Variants in CALN1 observed in about 807,000 individuals in gnomAD.
CALN1 encodes calcium-binding protein 8.
CALN1 carries 17 observed loss-of-function variants against 30.6 expected under a neutral mutation model. That is an observed-to-expected ratio of 0.56 (90% confidence interval 0.38 to 0.83). CALN1 has a LOEUF of 0.83. Ranked by LOEUF, CALN1 falls within the 40% of genes least tolerant of loss-of-function variation. CALN1 has a pLI of 0.00. For synonymous variants in CALN1, 156 were observed against 131.4 expected (o/e 1.19, Z -1.28); for missense variants, 291 against 354.9 (o/e 0.82, Z 1.45).
In CALN1 at chr7:72,054,280, C is replaced by T. The variant is rs182174709; in HGVS notation, c.389-30511G>A. On this transcript the variant is annotated intron_variant, in intron 4 of 6. Coordinates refer to ENST00000395275, the MANE Select transcript of CALN1 (RefSeq NM_031468.4). Reference sequence around the variant, plus strand: ...CCACCAGCAGTGTAGTTATTTTTGACTTTTTCATAGTAGCCATTCTTACTG... The same window carrying T: ...CCACCAGCAGTGTAGTTATTTTTGATTTTTTCATAGTAGCCATTCTTACTG... Among the ~76,000 whole-genome samples, 101 of 151,692 alleles carry T rather than the reference C, an allele frequency of 6.7e-4. 1 individual carries two copies. The East Asian group carries it at 0.019, about 28-fold the overall frequency.
intron 2 of CALN1, among the ~76,000 whole-genome samples, chr7:72,352,950 A>G (rs181980278): frequency 1.3e-3 from 198 of 152,342 alleles, no homozygotes; most frequent in African/African-American, 4.6e-3. Flanking sequence ...ACAAGGGAAT[A>G]TTATAAAGCA....
intron 2 of CALN1, among the ~76,000 whole-genome samples, chr7:72,371,566 C>T (rs1804242851): frequency 6.6e-6 from 1 of 152,016 alleles, no homozygotes; most frequent in South Asian, 2.1e-4. Context: ...TTCCTGAGGC[C>T]TCCCCAGACA....
At chr7:72,375,120 C>T (rs1323490856) in intron 2 of CALN1, among the ~76,000 whole-genome samples, 1 of 152,140 alleles carries the variant, frequency 6.6e-6, no homozygotes, top group Admixed American at 6.6e-5. Flanking sequence ...TAAAAAATTA[C>T]CACCATCAGT....
chr7:72,453,387 C>T, the CALN1 span, among the ~76,000 whole-genome samples: 2 of 152,198 alleles, frequency 1.3e-5, no homozygotes, highest in Non-Finnish European at 2.9e-5. Context: ...GCAGGCTATT[C>T]AGAAGTTTCT....
chr7:72,501,415 GAAGA>G, the CALN1 span, among the ~76,000 whole-genome samples: 1 of 111,490 alleles, frequency 9.0e-6, no homozygotes, highest in Non-Finnish European at 1.9e-5. Flanking sequence ...AAAAAGAGAA[GAAGA>G]AAGAGGAAGA....
At position 71,784,245 on chromosome 7, in the gene CALN1, C is replaced by G. The variant is rs771304822; in HGVS notation, c.*3530G>C. ...TAAATAGAAGGACAAGTTCAAATGC[C>G]AGACAAAAAGGCAGAGATACCACCC... On this transcript the variant is annotated 3_prime_UTR_variant, in exon 7 of 7. Coordinates refer to ENST00000395275, the MANE Select transcript of CALN1 (RefSeq NM_031468.4). The G allele has an allele frequency of 6.6e-6, 1 of 152,112 alleles. No homozygotes were observed. The highest frequency in any genetic ancestry group is 1.5e-5 in the Non-Finnish European group (1 of 68,036). The allele number at this position is 152,112 out of a possible 1,614,324, so 9.4% of individuals were successfully genotyped here.
At chr7:71,809,783 T>C (rs1787835372) in intron 6 of CALN1, among the ~76,000 whole-genome samples, 2 of 152,150 alleles carry the variant, frequency 1.3e-5, no homozygotes, top group South Asian at 2.1e-4. Flanking sequence ...TTATTTCTTC[T>C]GTAACTACTT....
At chr7:72,339,300 T>A (rs1005259534) in intron 2 of CALN1, among the ~76,000 whole-genome samples, 1 of 152,176 alleles carries the variant, frequency 6.6e-6, no homozygotes, top group Non-Finnish European at 1.5e-5. Flanking sequence ...ACCTCTTCGA[T>A]ATACTAATTT....
chr7:72,331,201 T>A (rs1411402969), intron 2 of CALN1, among the ~76,000 whole-genome samples: 1 of 151,840 alleles, frequency 6.6e-6, no homozygotes, highest in Non-Finnish European at 1.5e-5. Flanking sequence ...AATACAAAAA[T>A]TAGCCGGGCA....
intron 1 of CALN1, among the ~76,000 whole-genome samples, chr7:72,403,959 C>G (rs1371658286): frequency 6.6e-6 from 1 of 152,170 alleles, no homozygotes; most frequent in African/African-American, 2.4e-5. Flanking sequence ...TCCTAACTTC[C>G]TTAAAGCATA....
intron 3 of CALN1, among the ~76,000 whole-genome samples, chr7:72,156,468 T>G (rs1286739242): frequency 1.3e-5 from 2 of 151,908 alleles, no homozygotes; most frequent in Non-Finnish European, 2.9e-5. Context: ...CCCACAACAC[T>G]AGGACCCAAG....
chr7:72,019,101 T>C (rs1800565974), intron 5 of CALN1, among the ~76,000 whole-genome samples: 1 of 151,538 alleles, frequency 6.6e-6, no homozygotes, highest in African/African-American at 2.4e-5. Flanking sequence ...TCCGCCCACC[T>C]CGGCCTCCCT....
intron 3 of CALN1, among the ~76,000 whole-genome samples, chr7:72,277,645 A>C (rs774995148): frequency 1.2e-4 from 19 of 152,306 alleles, no homozygotes; most frequent in Non-Finnish European, 1.8e-4. Context: ...GAGAAGGAGA[A>C]GCTATTCAAT....
upstream of CALN1, among the ~76,000 whole-genome samples, chr7:72,448,001 CAT>C (rs145054649): frequency 3.3e-5 from 5 of 150,660 alleles, no homozygotes; most frequent in Non-Finnish European, 5.9e-5. Flanking sequence ...CACACACACA[CAT>C]GCCTGCCCAG....
At chr7:72,084,138 G>A (rs192254187) in intron 4 of CALN1, among the ~76,000 whole-genome samples, 234 of 152,212 alleles carry the variant, frequency 1.5e-3, no homozygotes, top group African/African-American at 5.3e-3. Flanking sequence ...GAACCTGGGA[G>A]GCAGAGGTTG....
chr7:71,948,446 A>G (rs1235639791), intron 5 of CALN1, among the ~76,000 whole-genome samples: 6 of 152,030 alleles, frequency 3.9e-5, no homozygotes, highest in African/African-American at 1.4e-4. Context: ...ATTTGGTTTC[A>G]GGCCGGGCAC....
chr7:71,857,739 T>G lies in CALN1; in HGVS notation c.502-47247A>C, dbSNP rs1424779071. On this transcript the variant is annotated intron_variant, in intron 5 of 6. Coordinates refer to ENST00000395275, the MANE Select transcript of CALN1 (RefSeq NM_031468.4). Reference sequence around the variant, plus strand: ...AGTGTAAATTAAATTGTTCAATTTATTCCTTCCATGGGAGAGGGCCCAAGG... The same window carrying G: ...AGTGTAAATTAAATTGTTCAATTTAGTCCTTCCATGGGAGAGGGCCCAAGG... Among the ~76,000 whole-genome samples, 3 of 152,172 alleles carry G rather than the reference T, an allele frequency of 2.0e-5. No individual in the cohort carries two copies. The East Asian group carries it at 5.8e-4, about 29-fold the overall frequency.
At chr7:72,201,739 A>T (rs1225335165) in intron 3 of CALN1, among the ~76,000 whole-genome samples, 16 of 143,130 alleles carry the variant, frequency 1.1e-4, no homozygotes, top group African/African-American at 2.7e-4. Flanking sequence ...AATCTGATTA[A>T]AAAAAAAAAA....
At chr7:71,982,019 G>A (rs1423453624) in intron 5 of CALN1, among the ~76,000 whole-genome samples, 1 of 152,056 alleles carries the variant, frequency 6.6e-6, no homozygotes, top group African/African-American at 2.4e-5. Flanking sequence ...GGCTTCCCTC[G>A]CCTTGCCTTT....
Sources: allele counts gnomAD v4.1 joint callset (sites outside exome capture counted in the v4.1 genomes callset), GRCh38; gene constraint gnomAD v4.1.1; transcripts MANE v1.5; gene names NCBI Gene and HGNC (gene_info 2026-07-23, HGNC 2026-07-21).